The following CD109 variants were observed in gnomAD, a reference collection of about 807,000 sequenced individuals.
CD109 encodes the protein CD109 molecule.
A neutral mutation model predicts 165.8 loss-of-function variants in CD109; 149 were observed. The observed-to-expected ratio is 0.90, with a 90% CI of 0.79 to 1.03. The LOEUF is 1.03. CD109 is among the 50% of genes least tolerant of loss of function. The pLI is 0.00. For synonymous variants in CD109, 585 were observed against 592.1 expected, an observed-to-expected ratio of 0.99 and a Z score of 0.18; for missense variants, 1,712 against 1,677.8, an observed-to-expected ratio of 1.02 and a Z score of -0.36.
chr6:73,795,718 C>T (rs1469858911), intron 23 of CD109, among the ~76,000 whole-genome samples: 1 of 152,192 alleles, frequency 6.6e-6, no homozygotes, highest in Non-Finnish European at 1.5e-5. Flanking sequence ...AGATCAGGGG[C>T]ATAGCACTGG....
rs1220615937 is a variant in CD109 at position 73,808,216 on chromosome 6, T to C, written c.3323T>C (p.Leu1108Ser). The change falls in exon 26 of 33, where the codon TTG becomes TCG. Residue 1108 changes from leucine to serine, a missense_variant. Leu to Ser is a moderately radical substitution (Grantham distance 145, BLOSUM62 -2). Coordinates refer to ENST00000287097, the MANE Select transcript of CD109 (RefSeq NM_133493.5). ...SVGSPKAKEA[L>S]NMLTWRAEQE... ...GGGAGTCCTAAAGCGAAGGAAGCTT[T>C]GAATATGCTGACTTGGAGAGCAGAA... 6.2e-7 allele frequency: 1 copy of C among 1,613,438 alleles called. No homozygotes were observed. Among genetic ancestry groups the C allele is most frequent in the Non-Finnish European group, 8.5e-7 (1 of 1,179,578 alleles).
At chr6:73,815,321 C>T (rs568223584) in intron 30 of CD109, among the ~76,000 whole-genome samples, 198 bp downstream of exon 30, 2 of 152,240 alleles carry the variant, frequency 1.3e-5, no homozygotes, top group Non-Finnish European at 2.9e-5. Flanking sequence ...AAATTATTTA[C>T]AAGTTTTCCC....
chr6:73,766,227 A>G lies in CD109; in HGVS notation c.1332+73A>G, dbSNP rs987267905. 8 of 1,145,188 alleles carry G rather than the reference A, an allele frequency of 7.0e-6. No homozygotes were observed. In the African/African-American group the frequency reaches 9.3e-5, roughly 13 times the overall value. The allele number at this position is 1,145,188 out of a possible 1,614,324, so 70.9% of individuals were successfully genotyped here. A position where few individuals can be genotyped will look rare whatever the true frequency, so the allele number is the denominator to read the frequency against. On this transcript the variant is annotated intron_variant, in intron 11 of 32. Coordinates refer to ENST00000287097, the MANE Select transcript of CD109 (RefSeq NM_133493.5). ...GTTGTAATCTTGTGGTAGGCACTCA[A>G]CCTGTCAGAACTGAAAGTACATAGG...
chr6:73,765,015 G>A (rs1230258477), intron 10 of CD109, among the ~76,000 whole-genome samples: 1 of 152,264 alleles, frequency 6.6e-6, no homozygotes, highest in Non-Finnish European at 1.5e-5. Flanking sequence ...TTCAGAGGGG[G>A]AGAGTTGGCT....
intron 3 of CD109, among the ~76,000 whole-genome samples, chr6:73,727,383 TG>T (rs1772181129): frequency 6.6e-6 from 1 of 152,116 alleles, no homozygotes. Context: ...TGGCTTGCCC[TG>T]GGACTAACAC....
rs377501822 is a variant in CD109, at chr6:73,823,608, T to C, written c.4313T>C (p.Leu1438Pro). Residue 1438 changes from leucine to proline, a missense_variant, in exon 33 of 33, where the codon CTG becomes CCG. Leu to Pro is a moderately conservative substitution (Grantham distance 98). Transcript: ENST00000287097. ...SVIFIFCFKL[L>P]YFMELWL ...ATTTTTATTTTCTGTTTCAAGCTTCTGTACTTTATGGAACTTTGGCTGTGA... is the reference window on the plus strand; with the variant it reads ...ATTTTTATTTTCTGTTTCAAGCTTCCGTACTTTATGGAACTTTGGCTGTGA... The C allele has an allele frequency of 6.2e-7, 1 of 1,612,052 alleles. No individual in the cohort carries two copies. The highest frequency in any genetic ancestry group is 1.3e-5 in the African/African-American group (1 of 74,904).
In CD109 at chr6:73,809,364, A is replaced by G. The variant is rs140960162; in HGVS notation, c.3356-620A>G. ...AGGATTCTTTTCAATGTGTCTTAAA[A>G]TATTTTGGGGATGGCCTGGTCAGAT... is the stretch of plus-strand genomic sequence containing the variant. On this transcript the variant is annotated intron_variant, in intron 26 of 32. Transcript: ENST00000287097. Among the ~76,000 whole-genome samples, 870 of 152,296 alleles carry G rather than the reference A, an allele frequency of 5.7e-3. 4 individuals carry two copies. Among genetic ancestry groups the G allele is most frequent in the Non-Finnish European group, 9.5e-3 (646 of 68,016 alleles).
At chr6:73,692,335 GTT>G (rs1157962166), upstream of CD109, among the ~76,000 whole-genome samples, 1 of 152,010 alleles carries the variant, frequency 6.6e-6, no homozygotes, top group African/African-American at 2.4e-5. Flanking sequence ...AAATTCAGAA[GTT>G]TTATGCAAAA....
intron 3 of CD109, among the ~76,000 whole-genome samples, chr6:73,724,436 G>A (rs1772063253): frequency 6.6e-6 from 1 of 152,060 alleles, no homozygotes; most frequent in African/African-American, 2.4e-5. Context: ...ACTATGCTTT[G>A]TTTTGGGGCT....
intron 15 of CD109, among the ~76,000 whole-genome samples, chr6:73,778,250 C>G (rs191719558): frequency 4.6e-5 from 7 of 151,914 alleles, no homozygotes; most frequent in African/African-American, 1.7e-4. Context: ...TTTCACACAT[C>G]GAGGCTTTCC....
At position 73,769,477 on chromosome 6, in the gene CD109, G is replaced by A. The variant is rs190600286; in HGVS notation, c.1674+1246G>A. 4.9e-3 allele frequency among the ~76,000 whole-genome samples: 745 copies of A among 152,230 alleles called. 5 individuals are homozygous for A. Among genetic ancestry groups the A allele is most frequent in the Non-Finnish European group, 8.4e-3 (569 of 68,022 alleles). ...TTTGAGGAAGCAGAGTATATGAATAGCATACTTTCAAGTAATTTCTTAGCT... is the reference window on the plus strand; with the variant it reads ...TTTGAGGAAGCAGAGTATATGAATAACATACTTTCAAGTAATTTCTTAGCT... On this transcript the variant is annotated intron_variant, in intron 14 of 32. Coordinates refer to ENST00000287097, the MANE Select transcript of CD109 (RefSeq NM_133493.5).
intron 2 of CD109, among the ~76,000 whole-genome samples, chr6:73,704,099 C>T (rs1196344928): frequency 1.3e-5 from 2 of 151,048 alleles, no homozygotes; most frequent in Admixed American, 6.6e-5. Context: ...GCAGGAGAAT[C>T]GCTTGAACCC....
At chr6:73,697,638 G>C in intron 2 of CD109, 66 bp downstream of exon 2, 1 of 1,436,648 alleles carries the variant, frequency 7.0e-7, no homozygotes, top group Non-Finnish European at 9.6e-7. Context: ...ATAAGGTCAT[G>C]TGTTAGGTAG....
At chr6:73,785,747 G>A (rs1054220772) in intron 20 of CD109, among the ~76,000 whole-genome samples, 1 of 151,906 alleles carries the variant, frequency 6.6e-6, no homozygotes, top group African/African-American at 2.4e-5. Context: ...TCTGAAGCAT[G>A]CCTTTCTCTT....
At chr6:73,778,657 G>C (rs1358539559) in intron 15 of CD109, among the ~76,000 whole-genome samples, 1 of 152,110 alleles carries the variant, frequency 6.6e-6, no homozygotes, top group African/African-American at 2.4e-5. Flanking sequence ...GACACATTAT[G>C]AATTTTTTTT....
At chr6:73,795,413 C>T (rs1462083629) in intron 23 of CD109, among the ~76,000 whole-genome samples, 1 of 152,028 alleles carries the variant, frequency 6.6e-6, no homozygotes, top group African/African-American at 2.4e-5. Context: ...GATCAGCAGC[C>T]ATCCTACAAA....
rs184842978 is a variant in CD109, at chr6:73,771,541, T to G, written c.1787T>G (p.Val596Gly). The G allele has an allele frequency of 1.2e-5, 20 of 1,608,130 alleles. No individual in the cohort carries two copies. In the Admixed American group the frequency reaches 3.2e-4, roughly 26 times the overall value. ...IVGIVAVDKSVNLMNASNDIT... is the reference protein window; with the variant it reads ...IVGIVAVDKSGNLMNASNDIT... ...GGGATTGTAGCTGTTGACAAAAGTG[T>G]GAATCTGATGAATGCCTCTAATGAT... Residue 596 changes from valine to glycine, a missense_variant, in exon 15 of 33, where the codon GTG (valine) becomes GGG (glycine). Physicochemically the swap from Val to Gly is moderately radical, Grantham distance 109. Coordinates refer to ENST00000287097, the MANE Select transcript of CD109 (RefSeq NM_133493.5).
chr6:73,792,516 A>G (rs542213350), intron 22 of CD109, 110 bp from the exon 23 acceptor site: 1 of 894,052 alleles, frequency 1.1e-6, no homozygotes, highest in East Asian at 2.4e-5. Context: ...TGGAATAATG[A>G]TATTGCTTCA....
intron 23 of CD109, among the ~76,000 whole-genome samples, chr6:73,795,744 C>T (rs12663978): frequency 6.6e-6 from 1 of 151,964 alleles, no homozygotes; most frequent in Non-Finnish European, 1.5e-5. Context: ...GAGGCAGTCA[C>T]ACCTGGGCTT....
Sources: allele counts gnomAD v4.1 joint callset (sites outside exome capture counted in the v4.1 genomes callset), GRCh38; gene constraint gnomAD v4.1.1; transcripts MANE v1.5; gene names NCBI Gene and HGNC (gene_info 2026-07-23, HGNC 2026-07-21).